KMT2E: variants seen among roughly 807,000 people sequenced by gnomAD.
KMT2E encodes the protein histone reader KMT2E.
Under a neutral mutation model 184.6 loss-of-function variants are expected in KMT2E, and 30 were observed. That is an observed-to-expected ratio of 0.16 (90% CI 0.12 to 0.22). KMT2E has a LOEUF of 0.22. Ranked by LOEUF, KMT2E falls within the 10% of genes least tolerant of loss-of-function variation. The probability of loss-of-function intolerance (pLI) is 1.00; values close to 1 mark genes in which losing one functional copy is unlikely to be tolerated. For synonymous variants in KMT2E, 815 were observed against 776.5 expected (o/e 1.05, Z -0.82); for missense variants, 2,023 against 2,237.4 (o/e 0.90, Z 1.93).
intron 1 of KMT2E, among the ~76,000 whole-genome samples, chr7:105,031,797 T>C (rs1266843504): frequency 2.1e-5 from 3 of 144,488 alleles, no homozygotes; most frequent in East Asian, 2.1e-4. Context: ...AGGCCAGGCA[T>C]GGTGGCTCAT....
In KMT2E at chr7:105,111,910, G is replaced by T; in HGVS notation, c.4154G>T (p.Ser1385Ile). The change falls in exon 27 of 27, where the codon AGT becomes ATT. Residue 1385 changes from serine (S) to isoleucine (I), a missense_variant. By Grantham distance (142) the Ser-to-Ile change is moderately radical (BLOSUM62 -2). Around this residue, in one of 8 missense-constraint regions of KMT2E, gnomAD observed 1,108 missense variants for 1,050.9 expected, o/e 1.05. Coordinates refer to ENST00000311117, the MANE Select transcript of KMT2E (RefSeq NM_182931.3). ...KPDPQWDSTV[S>I]ASEAENGVHL... ...GATCCCCAATGGGACTCCACAGTTA[G>T]TGCATCCGAAGCTGAAAATGGTGTT... 6.2e-7 allele frequency: 1 copy of T among 1,614,148 alleles called. No homozygotes were observed. Among genetic ancestry groups the T allele is most frequent in the Non-Finnish European group, 8.5e-7 (1 of 1,180,030 alleles).
intron 13 of KMT2E, among the ~76,000 whole-genome samples, chr7:105,084,767 A>T (rs1486543417): frequency 3.3e-5 from 5 of 152,206 alleles, no homozygotes; most frequent in African/African-American, 1.2e-4. Flanking sequence ...CATTTTACAT[A>T]GACACTCCCA....
chr7:105,109,145 T>C lies in KMT2E; in HGVS notation c.3672T>C (p.Tyr1224=), dbSNP rs1799055945. The part of the protein sequence containing the change: ...SLPLPTPATV[Y]NATSEETSNN... ...CTTTACCAACACCAGCTACAGTTTA[T>C]AATGCCACTTCTGAAGAAACTAGCA... The change falls in exon 23 of 27, where the codon TAT becomes TAC. Residue 1224 remains tyrosine (Y), a synonymous_variant. Coordinates refer to ENST00000311117, the MANE Select transcript of KMT2E (RefSeq NM_182931.3). The C allele has an allele frequency of 6.2e-7, 1 of 1,614,178 alleles. No homozygotes were observed. Among genetic ancestry groups the C allele is most frequent in the Middle Eastern group, 1.6e-4 (1 of 6,062 alleles).
chr7:105,023,104 G>A (rs2129564096), intron 1 of KMT2E, among the ~76,000 whole-genome samples: 1 of 152,218 alleles, frequency 6.6e-6, no homozygotes, highest in Non-Finnish European at 1.5e-5. Context: ...TGCTAAATGA[G>A]TCTTGAGTTA....
intron 7 of KMT2E, 23 bp from the exon 8 acceptor site, chr7:105,074,620 A>G: frequency 2.1e-6 from 3 of 1,456,536 alleles, no homozygotes; most frequent in African/African-American, 1.4e-5. Context: ...TTAAATGTGC[A>G]ATAATTTTTA....
chr7:105,015,083 C>T (rs1794657077), intron 1 of KMT2E, among the ~76,000 whole-genome samples: 1 of 152,094 alleles, frequency 6.6e-6, no homozygotes, highest in African/African-American at 2.4e-5. Flanking sequence ...ACAGCTAGCT[C>T]CTCATCCTCT....
At chr7:105,098,278 G>T (rs1335579261) in intron 15 of KMT2E, among the ~76,000 whole-genome samples, 4 of 147,648 alleles carry the variant, frequency 2.7e-5, no homozygotes, top group Non-Finnish European at 4.5e-5. Context: ...TCGCTCTGTT[G>T]CCCAAACTGG....
rs141800728 is a variant in KMT2E at position 105,082,683 on chromosome 7, A to G, written c.1358+886A>G. The stretch of plus-strand genomic sequence containing the variant: ...CAGGAGAGGGAAGCACATATGGTGT[A>G]ACTTTATGAAAACATATTAGTAATT... On this transcript the variant is annotated intron_variant, in intron 13 of 26. Transcript: ENST00000311117. Among the ~76,000 whole-genome samples, 557 of 152,256 alleles carry G rather than the reference A, an allele frequency of 3.7e-3. 1 individual carries two copies. The highest frequency in any genetic ancestry group is 0.013 in the African/African-American group (528 of 41,532).
At chr7:105,048,380 A>G (rs1051906335) in intron 3 of KMT2E, among the ~76,000 whole-genome samples, 6 of 152,080 alleles carry the variant, frequency 3.9e-5, no homozygotes, top group African/African-American at 9.7e-5. Flanking sequence ...TGATAATTTT[A>G]TTCAGCCAAA....
intron 6 of KMT2E, 124 bp downstream of exon 6, chr7:105,066,931 C>A: frequency 1.5e-6 from 1 of 678,730 alleles, no homozygotes; most frequent in Non-Finnish European, 2.6e-6. Context: ...GTGGCTCATG[C>A]CTGTAGTGCC....
At chr7:105,101,328 A>C in intron 15 of KMT2E, 97 bp from the exon 16 acceptor site, 1 of 804,428 alleles carries the variant, frequency 1.2e-6, no homozygotes, top group East Asian at 2.9e-5. Context: ...TGATAGTATC[A>C]TAGCAATTAT....
chr7:105,058,811 A>G (rs117732103), intron 3 of KMT2E, among the ~76,000 whole-genome samples: 2 of 152,298 alleles, frequency 1.3e-5, no homozygotes, highest in East Asian at 3.9e-4. Flanking sequence ...AACATTTTGA[A>G]TTCTTGGAGT....
At position 105,106,457 on chromosome 7, in the gene KMT2E, GAC is replaced by G. The variant is rs976801963; in HGVS notation, c.2597-61_2597-60del. On this transcript the variant is annotated intron_variant, in intron 19 of 26. Transcript: ENST00000311117. The stretch of plus-strand genomic sequence containing the variant: ...TTATATTTTATCTTTCCCAGAATGT[GAC>G]ACAAACAGATTTTAACAAATAGCAA... 3.6e-6 allele frequency: 5 copies of G among 1,398,094 alleles called. No homozygotes were observed. The African/African-American group carries it at 5.7e-5, about 16-fold the overall frequency. 86.6% of individuals were successfully genotyped at this position (1,398,094 alleles called of 1,614,324 possible). A position where few individuals can be genotyped will look rare whatever the true frequency, so the allele number is the denominator to read the frequency against.
chr7:105,028,077 A>G (rs1246264360), intron 1 of KMT2E, among the ~76,000 whole-genome samples: 1 of 135,432 alleles, frequency 7.4e-6, no homozygotes, highest in Non-Finnish European at 1.7e-5. Flanking sequence ...ACATTAATAA[A>G]TAAATATCTA....
chr7:105,090,776 A>G (rs1381481928), intron 14 of KMT2E, among the ~76,000 whole-genome samples: 1 of 152,178 alleles, frequency 6.6e-6, no homozygotes, highest in African/African-American at 2.4e-5. Context: ...TGTCCTCTAT[A>G]AACAAAAAAC....
In KMT2E at chr7:105,028,696, A is replaced by G. The variant is rs143019272; in HGVS notation, c.-188-9430A>G. Among the ~76,000 whole-genome samples, 4 of 151,342 alleles carry G rather than the reference A, an allele frequency of 2.6e-5. No individual in the cohort carries two copies. In the East Asian group the frequency reaches 7.9e-4, roughly 30 times the overall value. On this transcript the variant is annotated intron_variant, in intron 1 of 26. Transcript: ENST00000311117. ...ATTTTTTGTTTTTTGTAGAGATGGGATTTCACCATGTTGTCCAGGGTGGTC... is the reference window on the plus strand; with the variant it reads ...ATTTTTTGTTTTTTGTAGAGATGGGGTTTCACCATGTTGTCCAGGGTGGTC...
intron 3 of KMT2E, among the ~76,000 whole-genome samples, chr7:105,059,749 TATA>T (rs1321418685): frequency 2.6e-5 from 4 of 152,058 alleles, no homozygotes; most frequent in African/African-American, 7.2e-5. Flanking sequence ...ATTGTGTAGA[TATA>T]ATGATGCATA....
intron 1 of KMT2E, among the ~76,000 whole-genome samples, chr7:105,022,422 A>G (rs546994584): frequency 1.3e-5 from 2 of 152,056 alleles, no homozygotes; most frequent in East Asian, 3.9e-4. Context: ...CAGGTTATAC[A>G]TTTTTGGCTA....
At position 105,057,240 on chromosome 7, in the gene KMT2E, C is replaced by T. The variant is rs552394662; in HGVS notation, c.72-4924C>T. On this transcript the variant is annotated intron_variant, in intron 3 of 26. Coordinates refer to ENST00000311117, the MANE Select transcript of KMT2E (RefSeq NM_182931.3). ...GGAGGAAAAGCGATAGACTACTATT[C>T]TTGCTGGCACCCAGTGTATAGAGAT... Among the ~76,000 whole-genome samples the T allele has an allele frequency of 3.9e-5, 6 of 152,314 alleles. No individual in the cohort carries two copies. In the East Asian group the frequency reaches 1.2e-3, roughly 29 times the overall value.
Sources: gnomAD v4.1 joint callset for allele counts (sites outside exome capture counted in the v4.1 genomes callset) on GRCh38, gnomAD v4.1.1 for gene constraint, gnomAD v4.1.1 regional missense constraint, MANE v1.5 for transcripts, NCBI Gene and HGNC (gene_info 2026-07-23, HGNC 2026-07-21) for gene names.